STK32B: variants seen among roughly 807,000 people sequenced by gnomAD.
STK32B encodes the protein serine/threonine-protein kinase 32B.
STK32B carries 43 observed loss-of-function variants against 52.6 expected under a neutral mutation model. That is an observed-to-expected ratio of 0.82 (90% CI 0.64 to 1.05). The LOEUF (loss-of-function observed/expected upper bound fraction) is 1.05, where lower values mean the gene tolerates loss of function less well. Ranked by LOEUF, STK32B falls within the 50% of genes least tolerant of loss-of-function variation. The pLI, the probability that STK32B is intolerant of heterozygous loss-of-function variation, is 0.00. For synonymous variants in STK32B, 238 were observed against 204.3 expected, an observed-to-expected ratio of 1.17 and a Z score of -1.41; for missense variants, 621 against 534.6, an observed-to-expected ratio of 1.16 and a Z score of -1.59.
intron 8 of STK32B, among the ~76,000 whole-genome samples, chr4:5,459,216 C>T (rs530856848): frequency 6.6e-6 from 1 of 151,920 alleles, no homozygotes; most frequent in African/African-American, 2.4e-5. Context: ...GAGATTTCTG[C>T]AGTGACAGGT....
intron 1 of STK32B, among the ~76,000 whole-genome samples, chr4:5,107,019 G>A (rs996941787): frequency 6.6e-6 from 1 of 152,118 alleles, no homozygotes; most frequent in East Asian, 1.9e-4. Context: ...CCAGGAACCC[G>A]GCTGCATAGC....
At chr4:5,219,196 G>GTTT (rs752771896) in intron 3 of STK32B, among the ~76,000 whole-genome samples, 4 of 152,176 alleles carry the variant, frequency 2.6e-5, no homozygotes, top group Non-Finnish European at 4.4e-5. Context: ...TTGAAGAATG[G>GTTT]TTTTCCCCCT....
chr4:5,310,577 C>G (rs1730228366), intron 3 of STK32B, among the ~76,000 whole-genome samples: 1 of 152,008 alleles, frequency 6.6e-6, no homozygotes, highest in African/African-American at 2.4e-5. Flanking sequence ...AACTCTAGCA[C>G]ACTGTAGGTG....
intron 1 of STK32B, 105 bp downstream of exon 1, chr4:5,052,020 C>T: frequency 6.7e-7 from 1 of 1,481,818 alleles, no homozygotes; most frequent in Non-Finnish European, 9.2e-7. Context: ...GCGCGGGGAC[C>T]CAGGCATGGC....
At chr4:5,087,316 C>A in intron 1 of STK32B, among the ~76,000 whole-genome samples, 1 of 151,424 alleles carries the variant, frequency 6.6e-6, no homozygotes, top group Admixed American at 6.6e-5. Context: ...AGAGAGAAAC[C>A]AAAAAGAAAT....
In STK32B at chr4:5,466,842, C is replaced by G; in HGVS notation, c.1041+8C>G. 6.2e-7 allele frequency: 1 copy of G among 1,611,592 alleles called. No individual in the cohort carries two copies. Among genetic ancestry groups the G allele is most frequent in the Non-Finnish European group, 8.5e-7 (1 of 1,178,956 alleles). The stretch of plus-strand genomic sequence containing the variant: ...AAGGACAGCTGCCCGCTGGTGAGTG[C>G]TTCGTGGGAGCCGTTCCGGGAGAGA... On this transcript the variant is annotated splice_region_variant and intron_variant, in intron 10 of 11. Transcript: ENST00000282908.
intron 3 of STK32B, among the ~76,000 whole-genome samples, chr4:5,270,536 A>G (rs1055611850): frequency 2.6e-5 from 4 of 152,144 alleles, no homozygotes; most frequent in African/African-American, 7.2e-5. Flanking sequence ...GCATTCTTCA[A>G]TCCAATCAAG....
chr4:5,102,468 CCTTCCTTCCTTCCTTCCTTCCT>C (rs1277233871), intron 1 of STK32B, among the ~76,000 whole-genome samples: 9 of 131,788 alleles, frequency 6.8e-5, no homozygotes, highest in African/African-American at 2.6e-4. Flanking sequence ...TTCCTTCCTT[CCTTCCTTCCTTCCTTCCTTCCT>C]TCCCTCCCTC....
chr4:5,337,959 T>C (rs1237777241), intron 4 of STK32B, among the ~76,000 whole-genome samples: 1 of 152,110 alleles, frequency 6.6e-6, no homozygotes, highest in African/African-American at 2.4e-5. Flanking sequence ...TCTTCCCTAG[T>C]AGGAAGTCCA....
the STK32B span, among the ~76,000 whole-genome samples, chr4:5,033,697 A>G: frequency 6.6e-6 from 1 of 152,178 alleles, no homozygotes; most frequent in Admixed American, 6.5e-5. Flanking sequence ...TGCAGCTGCT[A>G]CTTCCAGTGC....
chr4:5,324,766 G>C (rs1431324865), intron 3 of STK32B, among the ~76,000 whole-genome samples: 1 of 152,184 alleles, frequency 6.6e-6, no homozygotes. Context: ...GGACAGAGGT[G>C]GTACACCAGG....
chr4:5,282,609 G>A (rs1299073902), intron 3 of STK32B, among the ~76,000 whole-genome samples: 1 of 152,122 alleles, frequency 6.6e-6, no homozygotes, highest in Admixed American at 6.6e-5. Context: ...GATGAAGTGA[G>A]GGGACTGACA....
chr4:5,049,284 C>T (rs1741673555), upstream of STK32B, among the ~76,000 whole-genome samples: 1 of 152,082 alleles, frequency 6.6e-6, no homozygotes, highest in South Asian at 2.1e-4. Context: ...GCAACCTCCG[C>T]CTCCCAGGTT....
At chr4:5,335,289 T>C (rs1315737680) in intron 4 of STK32B, among the ~76,000 whole-genome samples, 2 of 152,230 alleles carry the variant, frequency 1.3e-5, no homozygotes, top group Admixed American at 6.5e-5. Context: ...TATTCTCTGA[T>C]GGTAGTTTGT....
intron 3 of STK32B, among the ~76,000 whole-genome samples, chr4:5,324,121 A>G (rs1419692032): frequency 1.3e-4 from 20 of 152,250 alleles, no homozygotes; most frequent in Admixed American, 1.3e-3. Flanking sequence ...TGGGAGGCCG[A>G]TGCAGGAAGA....
At chr4:5,066,933 T>C (rs1261534932) in intron 1 of STK32B, among the ~76,000 whole-genome samples, 1 of 152,240 alleles carries the variant, frequency 6.6e-6, no homozygotes, top group Admixed American at 6.5e-5. Context: ...TGCTCCTTCA[T>C]AGCATTGAAC....
intron 4 of STK32B, among the ~76,000 whole-genome samples, chr4:5,338,606 C>A (rs10008761): frequency 6.6e-6 from 1 of 152,120 alleles, no homozygotes; most frequent in African/African-American, 2.4e-5. Context: ...AGATAAATGC[C>A]GATGTTCCAG....
chr4:5,411,606 A>G (rs568825435), intron 5 of STK32B, among the ~76,000 whole-genome samples: 1 of 152,342 alleles, frequency 6.6e-6, no homozygotes, highest in Admixed American at 6.5e-5. Context: ...CATTTTATAT[A>G]AAAGGCTTGA....
Position 5,216,519 on chromosome 4 carries a change from G to A in STK32B, c.260+48069G>A, listed in dbSNP as rs1012898213. On this transcript the variant is annotated intron_variant, in intron 3 of 11. Transcript: ENST00000282908. ...GGGTCTGAGTCAGGGAAGCTTTCTT[G>A]CAGAAACCTGAAAAATAGATAGGAG... Among the ~76,000 whole-genome samples the A allele has an allele frequency of 2.0e-5, 3 of 152,196 alleles. No homozygotes were observed. The South Asian group carries it at 6.2e-4, about 32-fold the overall frequency.
Sources: allele counts gnomAD v4.1 joint callset (sites outside exome capture counted in the v4.1 genomes callset), GRCh38; gene constraint gnomAD v4.1.1; transcripts MANE v1.5; gene names NCBI Gene and HGNC (gene_info 2026-07-23, HGNC 2026-07-21).